Variants in BBS9 observed in about 807,000 individuals in gnomAD.
BBS9 encodes Bardet-Biedl syndrome 9, also known as protein PTHB1.
BBS9 carries 89 observed loss-of-function variants against 117.7 expected under a neutral mutation model. The observed-to-expected ratio is 0.76, with a 90% confidence interval of 0.64 to 0.90. BBS9 has a LOEUF of 0.90. Among genes scored for constraint, BBS9 ranks in the 40% least tolerant of loss-of-function variants. BBS9 has a pLI of 0.00. For missense variants in BBS9, 982 were observed against 1,042.2 expected (o/e 0.94, Z 0.80); for synonymous variants, 379 against 370.9 (o/e 1.02, Z -0.25).
At chr7:33,229,530 C>A (rs1275050799) in intron 5 of BBS9, among the ~76,000 whole-genome samples, 2 of 152,032 alleles carry the variant, frequency 1.3e-5, no homozygotes, top group African/African-American at 4.8e-5. Context: ...TGCATAATAT[C>A]CTCCATGTTG....
intron 21 of BBS9, among the ~76,000 whole-genome samples, chr7:33,572,400 C>T (rs939153630): frequency 2.6e-5 from 4 of 152,114 alleles, no homozygotes; most frequent in Non-Finnish European, 4.4e-5. Flanking sequence ...CTGCAATAAA[C>T]ATGGGAATGC....
intron 19 of BBS9, among the ~76,000 whole-genome samples, chr7:33,453,185 T>G (rs1244094447): frequency 1.3e-5 from 2 of 152,170 alleles, no homozygotes; most frequent in African/African-American, 2.4e-5. Context: ...GACACATTCT[T>G]TTTGCTCTTT....
intron 19 of BBS9, among the ~76,000 whole-genome samples, chr7:33,450,066 C>T (rs1837571704): frequency 6.6e-6 from 1 of 152,162 alleles, no homozygotes; most frequent in African/African-American, 2.4e-5. Context: ...CACCATTCTA[C>T]TTTCTATTTC....
At chr7:33,192,774 G>T (rs1198861747) in intron 5 of BBS9, among the ~76,000 whole-genome samples, 2 of 152,152 alleles carry the variant, frequency 1.3e-5, no homozygotes, top group African/African-American at 2.4e-5. Flanking sequence ...TGCAGCTAGG[G>T]CCTGTTCCTC....
intron 19 of BBS9, among the ~76,000 whole-genome samples, chr7:33,418,619 G>C (rs972350230): frequency 6.6e-6 from 1 of 152,164 alleles, no homozygotes; most frequent in African/African-American, 2.4e-5. Flanking sequence ...TCCCTAGGTC[G>C]CTGGAGACAG....
At chr7:33,438,174 A>G (rs1428496329) in intron 19 of BBS9, among the ~76,000 whole-genome samples, 2 of 152,214 alleles carry the variant, frequency 1.3e-5, no homozygotes, top group African/African-American at 2.4e-5. Context: ...ACCTCATACC[A>G]TAAACAAAAA....
At chr7:33,478,043 G>T (rs562565413) in intron 19 of BBS9, among the ~76,000 whole-genome samples, 1 of 152,172 alleles carries the variant, frequency 6.6e-6, no homozygotes, top group South Asian at 2.1e-4. Context: ...GAAATTGTAT[G>T]TCTCTTGCTA....
intron 6 of BBS9, among the ~76,000 whole-genome samples, chr7:33,263,105 A>AATT (rs61552091): frequency 6.6e-6 from 1 of 151,846 alleles, no homozygotes; most frequent in African/African-American, 2.4e-5. Flanking sequence ...TTTTCATATT[A>AATT]ATAAGATCTA....
chr7:33,599,468 G>T (rs12533104), intron 21 of BBS9, among the ~76,000 whole-genome samples: 11,841 of 152,202 alleles, frequency 0.078, 911 homozygotes, highest in Admixed American at 0.24. Context: ...GCTGGCTAAT[G>T]ATTGCTATAT....
At chr7:33,153,198 G>A (rs1793620504) in intron 3 of BBS9, among the ~76,000 whole-genome samples, 1 of 152,154 alleles carries the variant, frequency 6.6e-6, no homozygotes. Context: ...TGAAGTAGCA[G>A]ATAACCATTA....
At chr7:33,522,456 G>A (rs1390519098) in intron 20 of BBS9, among the ~76,000 whole-genome samples, 1 of 151,408 alleles carries the variant, frequency 6.6e-6, no homozygotes, top group Non-Finnish European at 1.5e-5. Context: ...GTGTGAGATG[G>A]TATCTCATTG....
chr7:33,177,328 A>C, intron 4 of BBS9, 150 bp from the exon 5 acceptor site: 1 of 641,052 alleles, frequency 1.6e-6, no homozygotes, highest in Non-Finnish European at 2.8e-6. Flanking sequence ...GTGTGTCATC[A>C]GTATGCTAAT....
At chr7:33,453,682 C>A (rs1038352069) in intron 19 of BBS9, among the ~76,000 whole-genome samples, 6 of 151,978 alleles carry the variant, frequency 3.9e-5, no homozygotes, top group Non-Finnish European at 5.9e-5. Flanking sequence ...CCACCATGCC[C>A]GGCTAATTTT....
intron 9 of BBS9, among the ~76,000 whole-genome samples, chr7:33,278,768 C>T (rs561835236): frequency 6.6e-6 from 1 of 152,280 alleles, no homozygotes; most frequent in African/African-American, 2.4e-5. Context: ...TAAGAGCTCA[C>T]CTCTAGGTCT....
At chr7:33,508,432 A>G (rs1846447392) in intron 20 of BBS9, among the ~76,000 whole-genome samples, 1 of 152,334 alleles carries the variant, frequency 6.6e-6, no homozygotes. Context: ...CAGGGCTACC[A>G]GTGTCCCCAC....
intron 9 of BBS9, among the ~76,000 whole-genome samples, chr7:33,274,561 G>A (rs1409477815): frequency 2.0e-5 from 3 of 152,138 alleles, no homozygotes; most frequent in South Asian, 2.1e-4. Flanking sequence ...CTGAGATGCC[G>A]ATGAACTTTT....
intron 21 of BBS9, among the ~76,000 whole-genome samples, chr7:33,565,238 T>G (rs1856669094): frequency 6.6e-6 from 1 of 152,198 alleles, no homozygotes; most frequent in African/African-American, 2.4e-5. Flanking sequence ...TACTACTATC[T>G]CTTTTTTACT....
At chr7:33,352,792 C>T (rs1199320372) in intron 14 of BBS9, 67 bp from the exon 15 acceptor site, 13 of 1,548,998 alleles carry the variant, frequency 8.4e-6, no homozygotes, top group Middle Eastern at 1.7e-4. Flanking sequence ...TGTGTTGTAA[C>T]TTTACCACAG....
chr7:33,225,878 A>G (rs1486531794), intron 5 of BBS9, among the ~76,000 whole-genome samples: 1 of 152,202 alleles, frequency 6.6e-6, no homozygotes, highest in Non-Finnish European at 1.5e-5. Flanking sequence ...ACTCCCAATT[A>G]TGATGCAGAC....
Sources: gnomAD v4.1 joint callset for allele counts (sites outside exome capture counted in the v4.1 genomes callset) on GRCh38, gnomAD v4.1.1 for gene constraint, MANE v1.5 for transcripts, NCBI Gene and HGNC (gene_info 2026-07-23, HGNC 2026-07-21) for gene names.